Variants in CIMIP1 observed in about 807,000 individuals in gnomAD.
CIMIP1 encodes ciliary microtubule inner protein 1.
chr20:58,158,797 C>T, the CIMIP1 span, among the ~76,000 whole-genome samples: 1 of 152,230 alleles, frequency 6.6e-6, no homozygotes, highest in Admixed American at 6.5e-5. Context: ...ATGCCTCCCT[C>T]CCTCTGGACC....
chr20:58,157,026 C>G, the CIMIP1 span, among the ~76,000 whole-genome samples: 1 of 151,944 alleles, frequency 6.6e-6, no homozygotes, highest in Non-Finnish European at 1.5e-5. Context: ...AGTTTTTACC[C>G]CAAATATAAA....
chr20:58,156,193 A>G, the CIMIP1 span, among the ~76,000 whole-genome samples: 4 of 152,290 alleles, frequency 2.6e-5, no homozygotes, highest in East Asian at 7.7e-4. Context: ...TAACCAAGAA[A>G]ATCAACACCA....
chr20:58,160,814 G>A, the CIMIP1 span: 58 of 1,611,894 alleles, frequency 3.6e-5, no homozygotes, highest in African/African-American at 1.6e-4. Context: ...CAAGCAGGGC[G>A]TGCACTGAAT....
At chr20:58,161,000 C>G in the CIMIP1 span, 1 of 587,930 alleles carries the variant, frequency 1.7e-6, no homozygotes, top group Non-Finnish European at 2.8e-6. Context: ...TCAGCGTCAC[C>G]CTTCCAGAAT....
chr20:58,151,191 G>C, the CIMIP1 span, among the ~76,000 whole-genome samples: 1 of 152,206 alleles, frequency 6.6e-6, no homozygotes, highest in African/African-American at 2.4e-5. Flanking sequence ...CTTGAGGAAA[G>C]GGGTCAATGT....
the CIMIP1 span, chr20:58,160,553 A>T: frequency 8.2e-7 from 1 of 1,212,844 alleles, no homozygotes; most frequent in Non-Finnish European, 1.1e-6. Flanking sequence ...CACATCAGGG[A>T]GGCTGGCTTT....
the CIMIP1 span, chr20:58,161,035 C>A: frequency 2.3e-6 from 1 of 426,052 alleles, no homozygotes; most frequent in Non-Finnish European, 4.1e-6. Flanking sequence ...CCATTCTTGG[C>A]TAATGTAATG....
At chr20:58,160,642 C>A in the CIMIP1 span, 1 of 1,606,888 alleles carries the variant, frequency 6.2e-7, no homozygotes, top group South Asian at 1.1e-5. Context: ...TCACTAAATC[C>A]CCTGTATTTC....
At chr20:58,158,530 G>A in the CIMIP1 span, among the ~76,000 whole-genome samples, 1 of 152,024 alleles carries the variant, frequency 6.6e-6, no homozygotes, top group South Asian at 2.1e-4. Flanking sequence ...GGTGCCTGTA[G>A]TCCCAGCTAC....
the CIMIP1 span, among the ~76,000 whole-genome samples, chr20:58,155,154 A>G: frequency 9.4e-4 from 143 of 152,334 alleles, 1 homozygote; most frequent in African/African-American, 3.2e-3. Context: ...CGTTTTCTCA[A>G]ATTCCCCCAC....
At chr20:58,160,869 C>T in the CIMIP1 span, 12 of 1,570,642 alleles carry the variant, frequency 7.6e-6, no homozygotes, top group Non-Finnish European at 1.0e-5. Context: ...GGTCACCAGG[C>T]ACCCAGGGCC....
At chr20:58,155,554 G>T in the CIMIP1 span, 1 of 1,613,938 alleles carries the variant, frequency 6.2e-7, no homozygotes, top group Non-Finnish European at 8.5e-7. Context: ...TGACCCCAGT[G>T]GAGAAGTACA....
chr20:58,156,271 G>A, the CIMIP1 span, among the ~76,000 whole-genome samples: 4 of 152,196 alleles, frequency 2.6e-5, no homozygotes, highest in South Asian at 2.1e-4. Context: ...AAGAGAGGGC[G>A]GGGTGGTCAG....
the CIMIP1 span, among the ~76,000 whole-genome samples, chr20:58,151,442 C>T: frequency 3.3e-5 from 5 of 151,784 alleles, no homozygotes; most frequent in Admixed American, 6.6e-5. Flanking sequence ...GAGATGGAGT[C>T]CTGCTCTATC....
the CIMIP1 span, chr20:58,155,369 C>T: frequency 1.0e-6 from 1 of 952,892 alleles, no homozygotes; most frequent in Non-Finnish European, 1.6e-6. Context: ...AGGACACTCC[C>T]CCAGCTTCAC....
chr20:58,151,389 T>C, the CIMIP1 span, among the ~76,000 whole-genome samples: 2 of 152,066 alleles, frequency 1.3e-5, no homozygotes, highest in African/African-American at 4.8e-5. Flanking sequence ...GTGTTCATGT[T>C]TTTAAGACTG....
At chr20:58,160,876 G>C in the CIMIP1 span, 2 of 1,561,572 alleles carry the variant, frequency 1.3e-6, no homozygotes. Flanking sequence ...AGGCACCCAG[G>C]GCCATGCCAG....
the CIMIP1 span, among the ~76,000 whole-genome samples, chr20:58,153,160 C>T: frequency 5.9e-5 from 9 of 152,164 alleles, no homozygotes; most frequent in South Asian, 2.1e-4. Flanking sequence ...GTCATGCAGA[C>T]GCTGTCTCTG....
chr20:58,150,944 C>G, the CIMIP1 span: 13 of 1,592,830 alleles, frequency 8.2e-6, no homozygotes, highest in Non-Finnish European at 1.1e-5. Flanking sequence ...GCTTGCGGGG[C>G]GCACAGAGCC....
Sources: gnomAD v4.1 joint callset for allele counts (sites outside exome capture counted in the v4.1 genomes callset) on GRCh38, gnomAD v4.1.1 for gene constraint, MANE v1.5 for transcripts, NCBI Gene and HGNC (gene_info 2026-07-23, HGNC 2026-07-21) for gene names.